The following ACER3 variants were observed in gnomAD, a reference collection of about 807,000 sequenced individuals.
The protein encoded by ACER3 is alkCDase 3.
ACER3 carries 16 observed loss-of-function variants against 48.9 expected under a neutral mutation model. That is an observed-to-expected ratio of 0.33 (90% CI 0.22 to 0.50). The LOEUF (loss-of-function observed/expected upper bound fraction) is 0.50. Among genes scored for constraint, ACER3 ranks in the 20% least tolerant of loss-of-function variants. ACER3 has a pLI of 0.98. For missense variants in ACER3, 227 were observed against 326.0 expected, an observed-to-expected ratio of 0.70 and a Z score of 2.34; for synonymous variants, 109 against 107.8, an observed-to-expected ratio of 1.01 and a Z score of -0.07.
At chr11:76,957,767 A>T (rs1310736130) in intron 2 of ACER3, among the ~76,000 whole-genome samples, 1 of 151,780 alleles carries the variant, frequency 6.6e-6, no homozygotes, top group East Asian at 1.9e-4. Flanking sequence ...TGTTGTATAT[A>T]ATCTTTGACA....
At chr11:76,953,272 C>G (rs10793215) in intron 2 of ACER3, among the ~76,000 whole-genome samples, 1 of 151,934 alleles carries the variant, frequency 6.6e-6, no homozygotes, top group African/African-American at 2.4e-5. Flanking sequence ...GGAATGAAAA[C>G]AATCTTTTGG....
In ACER3 at chr11:76,895,072, C is replaced by T. The variant is rs538199015; in HGVS notation, c.104-31485C>T. 4.6e-5 allele frequency among the ~76,000 whole-genome samples: 7 copies of T among 152,126 alleles called. No homozygotes were observed. The South Asian group carries it at 1.5e-3, about 32-fold the overall frequency. On this transcript the variant is annotated intron_variant, in intron 1 of 10. Coordinates refer to ENST00000532485, the MANE Select transcript of ACER3 (RefSeq NM_018367.7). ...TTTTAAAATATATTTGGAATATAGC[C>T]TAGTGTATAATGTGGAGAAAGGATT...
chr11:77,002,905 G>A (rs1369854361), intron 7 of ACER3, among the ~76,000 whole-genome samples: 10 of 152,124 alleles, frequency 6.6e-5, no homozygotes, highest in Admixed American at 2.6e-4. Context: ...ACTTCATAGA[G>A]ACACAAATAA....
intron 1 of ACER3, among the ~76,000 whole-genome samples, chr11:76,870,008 C>T (rs377266682): frequency 4.7e-5 from 7 of 150,410 alleles, no homozygotes; most frequent in African/African-American, 9.8e-5. Flanking sequence ...ACCACAGATG[C>T]GGGACACCAC....
At chr11:76,990,655 T>C (rs1948782273) in intron 6 of ACER3, 81 bp downstream of exon 6, 3 of 976,350 alleles carry the variant, frequency 3.1e-6, no homozygotes, top group Non-Finnish European at 4.7e-6. Context: ...AGAAATGATA[T>C]GCAGATAAAA....
At chr11:76,934,033 C>T (rs1426073303) in intron 2 of ACER3, among the ~76,000 whole-genome samples, 2 of 151,800 alleles carry the variant, frequency 1.3e-5, no homozygotes. Flanking sequence ...GAGGCACTCC[C>T]CACATCTCAG....
At chr11:76,898,942 G>A (rs1022447044) in intron 1 of ACER3, among the ~76,000 whole-genome samples, 7 of 146,078 alleles carry the variant, frequency 4.8e-5, no homozygotes, top group African/African-American at 1.8e-4. Context: ...ATCCTCGTTG[G>A]TGATCTTCCT....
chr11:77,014,101 A>T (rs972619197), intron 7 of ACER3, among the ~76,000 whole-genome samples: 20 of 152,214 alleles, frequency 1.3e-4, no homozygotes, highest in Admixed American at 1.2e-3. Flanking sequence ...AGACAATTTA[A>T]ATATATTTAA....
chr11:76,983,648 T>G (rs2135190704), intron 4 of ACER3, among the ~76,000 whole-genome samples: 1 of 152,282 alleles, frequency 6.6e-6, no homozygotes, highest in Middle Eastern at 3.4e-3. Flanking sequence ...TATATTCCAA[T>G]TGTTCATAGC....
At chr11:76,956,304 C>CT (rs1947837708) in intron 2 of ACER3, among the ~76,000 whole-genome samples, 1 of 152,166 alleles carries the variant, frequency 6.6e-6, no homozygotes, top group East Asian at 1.9e-4. Flanking sequence ...TTTTTGGACT[C>CT]TAAATGTCTA....
chr11:76,915,324 T>C (rs902438373), intron 1 of ACER3, among the ~76,000 whole-genome samples: 1 of 152,072 alleles, frequency 6.6e-6, no homozygotes, highest in African/African-American at 2.4e-5. Flanking sequence ...TAGGGTGGGC[T>C]TTCTCATGCC....
At chr11:76,983,776 A>C (rs956842206) in intron 4 of ACER3, among the ~76,000 whole-genome samples, 1 of 150,712 alleles carries the variant, frequency 6.6e-6, no homozygotes, top group Non-Finnish European at 1.5e-5. Context: ...AAATATGTGA[A>C]GCAGTCTAGA....
At chr11:76,915,554 A>G (rs1946505019) in intron 1 of ACER3, among the ~76,000 whole-genome samples, 2 of 152,114 alleles carry the variant, frequency 1.3e-5, no homozygotes, top group South Asian at 2.1e-4. Flanking sequence ...ATAATTGCTG[A>G]ACTATCACCC....
At chr11:76,872,286 G>T (rs550080789) in intron 1 of ACER3, among the ~76,000 whole-genome samples, 1 of 152,182 alleles carries the variant, frequency 6.6e-6, no homozygotes, top group Non-Finnish European at 1.5e-5. Context: ...ATGTTGGCCA[G>T]GCTTGTCTCG....
chr11:76,872,620 G>T (rs142025674), intron 1 of ACER3, among the ~76,000 whole-genome samples: 1 of 152,306 alleles, frequency 6.6e-6, no homozygotes, highest in African/African-American at 2.4e-5. Context: ...TCTGGAAAAT[G>T]ATGGAGCTGA....
At chr11:76,920,153 T>C (rs1946648502) in intron 1 of ACER3, among the ~76,000 whole-genome samples, 1 of 152,198 alleles carries the variant, frequency 6.6e-6, no homozygotes, top group Admixed American at 6.5e-5. Context: ...TAATAGCTTC[T>C]GGCTCCTACA....
At position 76,959,259 on chromosome 11, in the gene ACER3, G is replaced by A. The variant is rs537737531; in HGVS notation, c.267+228G>A. 4.1e-5 allele frequency: 56 copies of A among 1,362,140 alleles called. No individual in the cohort carries two copies. In the East Asian group the frequency reaches 8.9e-4, roughly 22 times the overall value. The allele number at this position is 1,362,140 out of a possible 1,614,324, so 84.4% of individuals were successfully genotyped here. A position where few individuals can be genotyped will look rare whatever the true frequency, so the allele number is the denominator to read the frequency against. On this transcript the variant is annotated intron_variant, in intron 3 of 10. Transcript: ENST00000532485. ...TAGGGCTTTTTGACCATCTCTGTGC[G>A]GGCATATAAAATTGAGAGCAGCATT...
At chr11:76,964,383 G>A (rs1200469045) in intron 3 of ACER3, among the ~76,000 whole-genome samples, 1 of 151,392 alleles carries the variant, frequency 6.6e-6, no homozygotes, top group African/African-American at 2.5e-5. Flanking sequence ...CTCCACCTCT[G>A]GGGGCAGGGA....
chr11:76,941,577 C>A (rs1947344252), intron 2 of ACER3, among the ~76,000 whole-genome samples: 1 of 151,962 alleles, frequency 6.6e-6, no homozygotes, highest in African/African-American at 2.4e-5. Flanking sequence ...TCACTTGAGG[C>A]AATATGATGC....
Sources: gnomAD v4.1 joint callset for allele counts (sites outside exome capture counted in the v4.1 genomes callset) on GRCh38, gnomAD v4.1.1 for gene constraint, MANE v1.5 for transcripts, NCBI Gene and HGNC (gene_info 2026-07-23, HGNC 2026-07-21) for gene names.